Variants in PUDP observed in about 807,000 individuals in gnomAD.
The protein encoded by PUDP is pseudouridine 5'-phosphatase.
In PUDP, 8 loss-of-function variants were observed where a neutral mutation model predicts 9.4. The observed-to-expected ratio is 0.85, with a 90% confidence interval of 0.50 to 1.53. PUDP has a LOEUF of 1.53. Among genes scored for constraint, PUDP ranks in the 40% most tolerant of loss-of-function variants. PUDP has a pLI of 0.00. For missense variants in PUDP, 188 were observed against 189.7 expected (o/e 0.99, Z 0.05); for synonymous variants, 99 against 80.7 (o/e 1.23, Z -1.22).
chrX:6,906,957 G>A (rs1049459150), intron 3 of PUDP, among the ~76,000 whole-genome samples: 14 of 111,234 alleles, frequency 1.3e-4, no homozygotes, highest in Non-Finnish European at 2.1e-4. Context: ...CTAAGCAGTC[G>A]GTTTTGTTGC....
intron 3 of PUDP, among the ~76,000 whole-genome samples, chrX:6,891,707 T>G (rs1756279635): frequency 8.9e-6 from 1 of 111,931 alleles, no homozygotes; most frequent in Non-Finnish European, 1.9e-5. Flanking sequence ...GTCATTGACT[T>G]CTGCTCTTAG....
intron 3 of PUDP, among the ~76,000 whole-genome samples, chrX:6,935,307 C>A: frequency 1.7e-5 from 1 of 59,950 alleles, no homozygotes; most frequent in Non-Finnish European, 3.0e-5. Context: ...TGCAATCAAA[C>A]TAGAACTCAG....
intron 3 of PUDP, among the ~76,000 whole-genome samples, chrX:6,927,739 A>G (rs975295785): frequency 9.9e-5 from 11 of 111,450 alleles, no homozygotes; most frequent in Admixed American, 1.9e-4. Flanking sequence ...CAACTCCCCA[A>G]TCAGGTCTAG....
At chrX:7,093,931 C>T (rs1289673987) in intron 2 of PUDP, among the ~76,000 whole-genome samples, 2 of 110,524 alleles carry the variant, frequency 1.8e-5, no homozygotes, top group Non-Finnish European at 3.8e-5. Flanking sequence ...TATAGTAGGG[C>T]CCTGTCTCTA....
chrX:6,804,258 T>C (rs903888519), intron 3 of PUDP, among the ~76,000 whole-genome samples: 3 of 111,863 alleles, frequency 2.7e-5, no homozygotes, highest in African/African-American at 9.7e-5. Context: ...ATAACCCCTT[T>C]GATTCCCGTT....
intron 3 of PUDP, among the ~76,000 whole-genome samples, chrX:6,928,361 G>T (rs1264130924): frequency 9.0e-6 from 1 of 111,339 alleles, no homozygotes; most frequent in Non-Finnish European, 1.9e-5. Context: ...GAGAGACAGG[G>T]GTTTGGGGAG....
At chrX:6,780,756 G>A (rs367914536) in intron 3 of PUDP, among the ~76,000 whole-genome samples, 99 of 109,504 alleles carry the variant, frequency 9.0e-4, no homozygotes, top group African/African-American at 2.9e-3. Flanking sequence ...CCCCACCACC[G>A]CCACCACCAC....
intron 3 of PUDP, among the ~76,000 whole-genome samples, chrX:6,917,180 C>T (rs1463930623): frequency 9.0e-6 from 1 of 110,800 alleles, no homozygotes. Context: ...GCCTGGGCAA[C>T]ATAGTGAAAC....
chrX:7,066,800 A>G (rs1453712101), intron 3 of PUDP, among the ~76,000 whole-genome samples: 1 of 112,133 alleles, frequency 8.9e-6, no homozygotes, highest in Non-Finnish European at 1.9e-5. Flanking sequence ...AGATTAAGCT[A>G]TTAGATGTTT....
At chrX:6,728,372 AC>A (rs1924768966) in intron 3 of PUDP, among the ~76,000 whole-genome samples, 3 of 110,622 alleles carry the variant, frequency 2.7e-5, no homozygotes, top group African/African-American at 9.8e-5. Context: ...ACATACATGC[AC>A]ACACACACAC....
intron 1 of PUDP, among the ~76,000 whole-genome samples, chrX:7,109,930 C>T (rs1931991521): frequency 8.9e-6 from 1 of 112,663 alleles, no homozygotes; most frequent in Non-Finnish European, 1.9e-5. Context: ...TACACTACTA[C>T]CCTCCTTAGG....
At chrX:7,029,376 G>T (rs1929762229) in intron 1 of PUDP, among the ~76,000 whole-genome samples, 1 of 111,927 alleles carries the variant, frequency 8.9e-6, no homozygotes, top group Non-Finnish European at 1.9e-5. Context: ...ACTTCTAATG[G>T]TGGTTCTCAG....
downstream of PUDP, among the ~76,000 whole-genome samples, chrX:7,048,542 C>G (rs918801398): frequency 1.8e-5 from 2 of 112,213 alleles, no homozygotes; most frequent in African/African-American, 6.5e-5. Flanking sequence ...CTGGCAGCAG[C>G]TTTGGTTAAA....
At chrX:6,846,040 T>G (rs1413505783) in intron 3 of PUDP, among the ~76,000 whole-genome samples, 4 of 112,368 alleles carry the variant, frequency 3.6e-5, no homozygotes, top group Non-Finnish European at 5.6e-5. Flanking sequence ...CTTGTATTTG[T>G]AGGTCTCTAT....
At position 6,956,758 on chromosome X, in the gene PUDP, G is replaced by A. The variant is rs1020995243; in HGVS notation, c.*247+20375C>T. On this transcript the variant is annotated intron_variant and NMD_transcript_variant, in intron 3 of 3. Coordinates refer to the PUDP transcript ENST00000655425. ...ATCCCTCTGACTATGGCCCAACCTAGCTAGGCACAACTCTGTTTGTCATGG... is the reference window on the plus strand; with the variant it reads ...ATCCCTCTGACTATGGCCCAACCTAACTAGGCACAACTCTGTTTGTCATGG... 1.4e-4 allele frequency among the ~76,000 whole-genome samples: 16 copies of A among 112,185 alleles called. No homozygotes were observed. The East Asian group carries it at 4.2e-3, about 30-fold the overall frequency.
chrX:6,828,364 ATG>A (rs72476427), intron 3 of PUDP, among the ~76,000 whole-genome samples: 25,507 of 106,685 alleles, frequency 0.24, 2,418 homozygotes, highest in East Asian at 0.3. Context: ...GTTGCTATAT[ATG>A]TGTGTGTGTG....
intron 1 of PUDP, among the ~76,000 whole-genome samples, chrX:7,030,711 G>T (rs1929781209): frequency 9.0e-6 from 1 of 111,171 alleles, no homozygotes; most frequent in Admixed American, 9.5e-5. Context: ...AGAGGCCATG[G>T]AATGTTGGCC....
chrX:6,909,543 C>T (rs1927818298), intron 3 of PUDP, among the ~76,000 whole-genome samples: 2 of 111,938 alleles, frequency 1.8e-5, no homozygotes, highest in Admixed American at 1.9e-4. Flanking sequence ...GCTTTTTTGG[C>T]ACATAGCCAT....
At chrX:6,916,172 C>T (rs1456085072) in intron 3 of PUDP, among the ~76,000 whole-genome samples, 1 of 103,340 alleles carries the variant, frequency 9.7e-6, no homozygotes, top group East Asian at 3.1e-4. Context: ...CCCAGTCACC[C>T]ACCAACTCAT....
Sources: gnomAD v4.1 joint callset for allele counts (sites outside exome capture counted in the v4.1 genomes callset) on GRCh38, gnomAD v4.1.1 for gene constraint, MANE v1.5 for transcripts, NCBI Gene and HGNC (gene_info 2026-07-23, HGNC 2026-07-21) for gene names.